HECW1: variants seen among roughly 807,000 people sequenced by gnomAD.
The protein encoded by HECW1 is HECT, C2 and WW domain containing E3 ubiquitin protein ligase 1, also known as E3 ubiquitin-protein ligase HECW1.
In HECW1, 61 loss-of-function variants were observed where a neutral mutation model predicts 182.3. That is an observed-to-expected ratio of 0.33 (90% CI 0.27 to 0.41). The LOEUF (loss-of-function observed/expected upper bound fraction) is 0.41, where lower values mean the gene tolerates loss of function less well. Among genes scored for constraint, HECW1 ranks in the 10% least tolerant of loss-of-function variants. The probability of loss-of-function intolerance (pLI) is 1.00; values close to 1 mark genes in which losing one functional copy is unlikely to be tolerated. For synonymous variants in HECW1, 859 were observed against 832.6 expected (o/e 1.03, Z -0.55); for missense variants, 1,739 against 2,108.9 (o/e 0.82, Z 3.44).
chr7:43,185,394 G>A (rs1793300688), intron 2 of HECW1, among the ~76,000 whole-genome samples: 1 of 146,914 alleles, frequency 6.8e-6, no homozygotes, highest in African/African-American at 2.5e-5. Flanking sequence ...AACTCGAGGG[G>A]TAAATAGTCG....
At position 43,565,285 on chromosome 7, in the gene HECW1, TG is replaced by T; in HGVS notation, c.*3364del. On this transcript the variant is annotated 3_prime_UTR_variant, in exon 30 of 30. Transcript: ENST00000395891. ...AATTAAGAAAAAGAGACATATGATTTGGGGGAGCAGGCGTTAAACATGCAAG... is the reference window on the plus strand; with the variant it reads ...AATTAAGAAAAAGAGACATATGATTTGGGGAGCAGGCGTTAAACATGCAAG... 1 of 207,060 alleles carries T rather than the reference TG, an allele frequency of 4.8e-6. No homozygotes were observed. Among genetic ancestry groups the T allele is most frequent in the East Asian group, 7.3e-5 (1 of 13,740 alleles). 12.8% of individuals were successfully genotyped at this position (207,060 alleles called of 1,614,324 possible).
chr7:43,329,895 A>G (rs1811251633), intron 5 of HECW1, among the ~76,000 whole-genome samples: 1 of 152,238 alleles, frequency 6.6e-6, no homozygotes. Context: ...TTAGAAATGC[A>G]GATTCCATAG....
intron 29 of HECW1, 82 bp downstream of exon 29, chr7:43,554,872 C>T (rs9638972): frequency 0.21 from 262,638 of 1,274,678 alleles, 29,390 homozygotes; most frequent in Non-Finnish European, 0.23. Context: ...AGTGACCATC[C>T]TTTGGGATGG....
intron 24 of HECW1, among the ~76,000 whole-genome samples, chr7:43,519,349 G>A (rs2080328963): frequency 6.6e-6 from 1 of 151,914 alleles, no homozygotes; most frequent in Non-Finnish European, 1.5e-5. Flanking sequence ...TGGTTCAAGC[G>A]ATTCTCCTGC....
At chr7:43,302,582 G>A (rs1426965910) in intron 3 of HECW1, among the ~76,000 whole-genome samples, 2 of 152,180 alleles carry the variant, frequency 1.3e-5, no homozygotes, top group African/African-American at 4.8e-5. Flanking sequence ...AGGTCATCAT[G>A]GGGGCTCCTC....
At chr7:43,458,674 T>C (rs1739831416) in intron 13 of HECW1, among the ~76,000 whole-genome samples, 1 of 152,258 alleles carries the variant, frequency 6.6e-6, no homozygotes, top group African/African-American at 2.4e-5. Flanking sequence ...CTTAACCTAT[T>C]GCTTTGAAGC....
At chr7:43,482,352 G>A (rs2078469478) in intron 17 of HECW1, among the ~76,000 whole-genome samples, 1 of 152,216 alleles carries the variant, frequency 6.6e-6, no homozygotes, top group African/African-American at 2.4e-5. Flanking sequence ...TGGGTGGTAG[G>A]AAATGTTGAC....
At chr7:43,431,071 C>A (rs2076534444) in intron 8 of HECW1, among the ~76,000 whole-genome samples, 1 of 152,140 alleles carries the variant, frequency 6.6e-6, no homozygotes, top group Non-Finnish European at 1.5e-5. Context: ...CCACCACATC[C>A]AGCCCCATTT....
intron 29 of HECW1, among the ~76,000 whole-genome samples, chr7:43,557,439 G>A (rs2082066307): frequency 1.3e-5 from 2 of 152,246 alleles, no homozygotes; most frequent in Admixed American, 6.5e-5. Flanking sequence ...GCTAAAAGAT[G>A]TGTGAGGGCC....
chr7:43,507,395 G>A (rs2079628893), intron 22 of HECW1, 138 bp downstream of exon 22: 2 of 771,680 alleles, frequency 2.6e-6, no homozygotes, highest in African/African-American at 3.6e-5. Flanking sequence ...GGGGAAGAAG[G>A]AAGTTGGGAA....
intron 12 of HECW1, among the ~76,000 whole-genome samples, chr7:43,451,281 A>G (rs892556357): frequency 6.6e-5 from 10 of 152,246 alleles, no homozygotes; most frequent in African/African-American, 1.9e-4. Flanking sequence ...TTGCAGTTCA[A>G]GATAGAATAA....
chr7:43,268,684 C>T (rs778042958), intron 3 of HECW1, among the ~76,000 whole-genome samples: 1 of 152,236 alleles, frequency 6.6e-6, no homozygotes, highest in Non-Finnish European at 1.5e-5. Context: ...TAACTGTCCA[C>T]TGGGCTTTTC....
chr7:43,485,203 AGTCATTCTTTGC>A (rs2078584280), intron 17 of HECW1, among the ~76,000 whole-genome samples: 1 of 152,180 alleles, frequency 6.6e-6, no homozygotes, highest in East Asian at 1.9e-4. Flanking sequence ...AGTCACTCTT[AGTCATTCTTTGC>A]AGTGAGCTTC....
At chr7:43,313,778 C>T (rs1808839278) in intron 4 of HECW1, among the ~76,000 whole-genome samples, 1 of 152,144 alleles carries the variant, frequency 6.6e-6, no homozygotes. Flanking sequence ...CCTGTGATAC[C>T]ACATGGTTCT....
intron 26 of HECW1, among the ~76,000 whole-genome samples, chr7:43,544,634 T>C (rs35551485): frequency 3.3e-5 from 5 of 152,124 alleles, no homozygotes; most frequent in African/African-American, 1.2e-4. Context: ...TAACACCTAA[T>C]TAAAATTACT....
chr7:43,386,605 C>CCCCTGCATG (rs1328765848), intron 6 of HECW1, among the ~76,000 whole-genome samples: 1 of 152,188 alleles, frequency 6.6e-6, no homozygotes, highest in Non-Finnish European at 1.5e-5. Context: ...GTTCCTGCCC[C>CCCCTGCATG]CCCTGCATGT....
intron 24 of HECW1, among the ~76,000 whole-genome samples, chr7:43,528,342 T>C (rs1217129645): frequency 6.6e-6 from 1 of 152,140 alleles, no homozygotes; most frequent in East Asian, 1.9e-4. Flanking sequence ...GGTGGGGTAA[T>C]GTTCTCTATA....
chr7:43,509,237 G>A, intron 24 of HECW1, 116 bp downstream of exon 24: 1 of 916,908 alleles, frequency 1.1e-6, no homozygotes, highest in Non-Finnish European at 1.6e-6. Context: ...ATGTTATGAG[G>A]GATGAGAGTG....
chr7:43,478,167 A>C, intron 16 of HECW1, among the ~76,000 whole-genome samples: 1 of 152,206 alleles, frequency 6.6e-6, no homozygotes, highest in East Asian at 1.9e-4. Context: ...CTGTAACCCC[A>C]GCACTTTGGG....
Sources: gnomAD v4.1 joint callset for allele counts (sites outside exome capture counted in the v4.1 genomes callset) on GRCh38, gnomAD v4.1.1 for gene constraint, MANE v1.5 for transcripts, NCBI Gene and HGNC (gene_info 2026-07-23, HGNC 2026-07-21) for gene names.